CDH13: variants seen among roughly 807,000 people sequenced by gnomAD.
CDH13 encodes the protein cadherin 13.
Under a neutral mutation model 63.8 loss-of-function variants are expected in CDH13, and 24 were observed. The observed-to-expected ratio is 0.38, with a 90% confidence interval of 0.27 to 0.53. The LOEUF is 0.53. Among genes scored for constraint, CDH13 ranks in the 20% least tolerant of loss-of-function variants. CDH13 has a pLI of 0.85. For synonymous variants in CDH13, 503 were observed against 355.3 expected, an observed-to-expected ratio of 1.42 and a Z score of -4.67; for missense variants, 1,049 against 903.1, an observed-to-expected ratio of 1.16 and a Z score of -2.07.
chr16:83,732,381 G>A (rs1001606200), intron 10 of CDH13, among the ~76,000 whole-genome samples: 2 of 152,198 alleles, frequency 1.3e-5, no homozygotes, highest in Non-Finnish European at 2.9e-5. Context: ...GACGATGGGA[G>A]AGCCTGGCTA....
At chr16:82,950,887 C>A (rs1458237785) in intron 2 of CDH13, among the ~76,000 whole-genome samples, 1 of 148,860 alleles carries the variant, frequency 6.7e-6, no homozygotes, top group African/African-American at 2.5e-5. Context: ...CACATGGACA[C>A]AAAAGAGCAT....
intron 8 of CDH13, among the ~76,000 whole-genome samples, chr16:83,633,738 C>A (rs1340740083): frequency 6.6e-6 from 1 of 152,062 alleles, no homozygotes; most frequent in Admixed American, 6.6e-5. Flanking sequence ...TATTTATTGC[C>A]CTTCAAAACA....
intron 10 of CDH13, among the ~76,000 whole-genome samples, chr16:83,702,656 C>A (rs1316544947): frequency 6.6e-6 from 1 of 152,180 alleles, no homozygotes; most frequent in African/African-American, 2.4e-5. Flanking sequence ...CCCCACCAGG[C>A]CATGAGATGC....
chr16:82,979,233 C>T (rs1044202430), intron 2 of CDH13, among the ~76,000 whole-genome samples: 10 of 152,128 alleles, frequency 6.6e-5, no homozygotes, highest in Admixed American at 2.6e-4. Flanking sequence ...GGCTTGTAGG[C>T]CTCGTCTCAG....
At chr16:83,558,712 A>T (rs892784921) in intron 7 of CDH13, among the ~76,000 whole-genome samples, 3 of 152,142 alleles carry the variant, frequency 2.0e-5, no homozygotes, top group Non-Finnish European at 4.4e-5. Flanking sequence ...ACATCATTTC[A>T]ACTTTGTTGG....
intron 1 of CDH13, among the ~76,000 whole-genome samples, chr16:82,653,713 C>T (rs566001369): frequency 6.6e-6 from 1 of 152,244 alleles, no homozygotes; most frequent in South Asian, 2.1e-4. Flanking sequence ...GGATTTCACC[C>T]TGGAGGCGCA....
chr16:83,430,917 C>G (rs2151482594), intron 6 of CDH13, among the ~76,000 whole-genome samples: 1 of 151,910 alleles, frequency 6.6e-6, no homozygotes, highest in Admixed American at 6.6e-5. Context: ...GCTGCACCCA[C>G]TAACTCGTCA....
At chr16:82,880,939 A>G (rs536301669) in intron 2 of CDH13, among the ~76,000 whole-genome samples, 2 of 152,326 alleles carry the variant, frequency 1.3e-5, no homozygotes, top group South Asian at 2.1e-4. Flanking sequence ...AACCAATGGG[A>G]TAAACTTTGT....
At chr16:83,287,153 G>T (rs1480706805) in intron 5 of CDH13, among the ~76,000 whole-genome samples, 2 of 152,192 alleles carry the variant, frequency 1.3e-5, no homozygotes, top group Non-Finnish European at 2.9e-5. Flanking sequence ...GAATGTTCAG[G>T]AAGTCCAACG....
intron 7 of CDH13, among the ~76,000 whole-genome samples, chr16:83,576,992 C>T (rs1905127764): frequency 6.6e-6 from 1 of 152,036 alleles, no homozygotes; most frequent in Admixed American, 6.5e-5. Flanking sequence ...TATTTTTAAC[C>T]AACTAAATAA....
At chr16:83,706,458 C>A (rs761166474) in intron 10 of CDH13, among the ~76,000 whole-genome samples, 1 of 152,070 alleles carries the variant, frequency 6.6e-6, no homozygotes, top group Admixed American at 6.5e-5. Flanking sequence ...TGCTATAGAG[C>A]CAAAGTCTGC....
At chr16:83,540,617 G>A (rs1327913789) in intron 7 of CDH13, among the ~76,000 whole-genome samples, 5 of 152,226 alleles carry the variant, frequency 3.3e-5, no homozygotes, top group Non-Finnish European at 5.9e-5. Context: ...GTTCAGTCTC[G>A]TAATGACACT....
At chr16:83,057,953 C>T (rs949597049) in intron 3 of CDH13, among the ~76,000 whole-genome samples, 2 of 152,102 alleles carry the variant, frequency 1.3e-5, no homozygotes, top group Non-Finnish European at 1.5e-5. Flanking sequence ...GGGGAAATGT[C>T]TTACAAATGA....
At chr16:83,598,652 A>G (rs532697604) in intron 7 of CDH13, among the ~76,000 whole-genome samples, 5 of 152,216 alleles carry the variant, frequency 3.3e-5, no homozygotes, top group Non-Finnish European at 7.4e-5. Context: ...GGAAAGCCAA[A>G]ATGTATTAGC....
intron 8 of CDH13, among the ~76,000 whole-genome samples, chr16:83,654,190 G>C (rs1056060234): frequency 1.3e-5 from 2 of 151,942 alleles, no homozygotes; most frequent in Admixed American, 1.3e-4. Context: ...AATTTGTTCC[G>C]GTTCTTTCTA....
chr16:83,342,453 A>G (rs574311439), intron 5 of CDH13, among the ~76,000 whole-genome samples: 17 of 152,280 alleles, frequency 1.1e-4, no homozygotes, highest in African/African-American at 3.8e-4. Flanking sequence ...ACAGCCCTTC[A>G]CTGTTTTTAG....
Position 83,486,748 on chromosome 16 carries a change from T to C in CDH13, c.960+93T>C. 1.0e-5 allele frequency: 12 copies of C among 1,171,286 alleles called. No individual in the cohort carries two copies. The South Asian group carries it at 1.7e-4, about 16-fold the overall frequency. The allele number at this position is 1,171,286 out of a possible 1,614,324, so 72.6% of individuals were successfully genotyped here. A position where few individuals can be genotyped will look rare whatever the true frequency, so the allele number is the denominator to read the frequency against. On this transcript the variant is annotated intron_variant, in intron 7 of 13. Transcript: ENST00000567109. ...TGGGGCTCCAGTCAGTGGTTTTTTT[T>C]AATACTGTAAAGGCAGAAATGAGGT...
chr16:82,955,138 G>A (rs1905877559), intron 2 of CDH13, among the ~76,000 whole-genome samples: 1 of 152,194 alleles, frequency 6.6e-6, no homozygotes, highest in East Asian at 1.9e-4. Context: ...CCTAGGATTA[G>A]AATTGCTAGG....
At chr16:83,206,291 C>G (rs1436470947) in intron 4 of CDH13, among the ~76,000 whole-genome samples, 2 of 152,214 alleles carry the variant, frequency 1.3e-5, no homozygotes, top group African/African-American at 2.4e-5. Context: ...CCTAAGACTT[C>G]CCTCTGCACC....
Sources: gnomAD v4.1 joint callset for allele counts (sites outside exome capture counted in the v4.1 genomes callset) on GRCh38, gnomAD v4.1.1 for gene constraint, MANE v1.5 for transcripts, NCBI Gene and HGNC (gene_info 2026-07-23, HGNC 2026-07-21) for gene names.